The following CDYL2 variants were observed in gnomAD, a reference collection of about 807,000 sequenced individuals.
CDYL2 encodes the protein chromodomain Y like 2.
CDYL2 carries 23 observed loss-of-function variants against 49.4 expected under a neutral mutation model. The ratio of observed to expected loss-of-function variants is 0.47; its 90% CI spans 0.34 to 0.66. The LOEUF is 0.66. Ranked by LOEUF, CDYL2 falls within the 30% of genes least tolerant of loss-of-function variation. CDYL2 has a pLI of 0.01. For missense variants in CDYL2, 678 were observed against 656.4 expected, an observed-to-expected ratio of 1.03 and a Z score of -0.36; for synonymous variants, 360 against 268.8, an observed-to-expected ratio of 1.34 and a Z score of -3.32.
At chr16:80,711,989 ATGTATATATATG>A (rs1486737592) in intron 1 of CDYL2, among the ~76,000 whole-genome samples, 27 of 149,640 alleles carry the variant, frequency 1.8e-4, no homozygotes, top group African/African-American at 5.3e-4. Context: ...ATATATATGT[ATGTATATATATG>A]TGTGTATATA....
chr16:80,661,570 A>AAGTGCCAGCATGAGGGTCT (rs1272929297), intron 2 of CDYL2, among the ~76,000 whole-genome samples: 5 of 152,202 alleles, frequency 3.3e-5, no homozygotes, highest in African/African-American at 1.2e-4. Context: ...CATGAGGGTC[A>AAGTGCCAGCATGAGGGTCT]AACTCCAGCA....
chr16:80,729,183 A>G (rs1905251876), intron 1 of CDYL2, among the ~76,000 whole-genome samples: 1 of 152,242 alleles, frequency 6.6e-6, no homozygotes, highest in Non-Finnish European at 1.5e-5. Context: ...AAGACCCTTC[A>G]GTGTGTTGTA....
chr16:80,630,763 G>C (rs562953852), intron 3 of CDYL2, among the ~76,000 whole-genome samples: 1 of 152,212 alleles, frequency 6.6e-6, no homozygotes, highest in South Asian at 2.1e-4. Flanking sequence ...AATCATTCCA[G>C]ATGGCCGCAC....
intron 1 of CDYL2, among the ~76,000 whole-genome samples, chr16:80,774,293 G>C (rs778768461): frequency 6.6e-6 from 1 of 151,984 alleles, no homozygotes; most frequent in African/African-American, 2.4e-5. Context: ...TAATAAGCCA[G>C]GCGCTGAAAG....
chr16:80,785,721 G>C (rs1907413060), intron 1 of CDYL2, among the ~76,000 whole-genome samples: 1 of 152,084 alleles, frequency 6.6e-6, no homozygotes, highest in Admixed American at 6.6e-5. Flanking sequence ...TTTACTACAA[G>C]GCTACAGTAA....
At position 80,722,760 on chromosome 16, in the gene CDYL2, G is replaced by A. The variant is rs540317931; in HGVS notation, c.25-37631C>T. Among the ~76,000 whole-genome samples, 612 of 152,288 alleles carry A rather than the reference G, an allele frequency of 4.0e-3. 3 individuals carry two copies. Among genetic ancestry groups the A allele is most frequent in the Non-Finnish European group, 4.0e-3 (269 of 68,022 alleles). On this transcript the variant is annotated intron_variant, in intron 1 of 6. Coordinates refer to ENST00000570137, the MANE Select transcript of CDYL2 (RefSeq NM_152342.4). ...GGGCTAGGAGCTGGAATTCAAGGAT[G>A]GATTAACCACAGTCCATGCACTCTT...
intron 2 of CDYL2, among the ~76,000 whole-genome samples, chr16:80,638,691 T>C (rs1907949229): frequency 1.3e-5 from 2 of 152,164 alleles, no homozygotes; most frequent in African/African-American, 4.8e-5. Context: ...GAGGTGATCT[T>C]TGGCAAAGAA....
intron 3 of CDYL2, among the ~76,000 whole-genome samples, chr16:80,631,920 A>G (rs13333588): frequency 0.056 from 8,475 of 152,214 alleles, 713 homozygotes; most frequent in African/African-American, 0.18. Context: ...AGAACCTAGA[A>G]CCCTCACATA....
intron 6 of CDYL2, 151 bp downstream of exon 6, chr16:80,607,941 T>G: frequency 1.1e-6 from 1 of 881,064 alleles, no homozygotes; most frequent in Non-Finnish European, 1.7e-6. Flanking sequence ...CTGTCAATAC[T>G]GAGAAAAGGC....
chr16:80,625,431 G>C (rs375076839), intron 3 of CDYL2, among the ~76,000 whole-genome samples: 1 of 152,120 alleles, frequency 6.6e-6, no homozygotes, highest in South Asian at 2.1e-4. Flanking sequence ...AGGTAGTCTA[G>C]AATACTCTCT....
chr16:80,709,561 GACACACACAC>G (rs10673992), intron 1 of CDYL2, among the ~76,000 whole-genome samples: 2 of 143,752 alleles, frequency 1.4e-5, no homozygotes, highest in African/African-American at 5.1e-5. Context: ...GGAATAAACA[GACACACACAC>G]ACACACACAC....
chr16:80,645,361 G>A (rs1406269236), intron 2 of CDYL2, among the ~76,000 whole-genome samples: 1 of 152,166 alleles, frequency 6.6e-6, no homozygotes, highest in Admixed American at 6.5e-5. Flanking sequence ...AGACATTTAT[G>A]CAGCCAAAAG....
At chr16:80,709,702 C>G (rs1171776333) in intron 1 of CDYL2, among the ~76,000 whole-genome samples, 1 of 152,110 alleles carries the variant, frequency 6.6e-6, no homozygotes, top group Non-Finnish European at 1.5e-5. Flanking sequence ...ACAATAATTA[C>G]TAGCCCTTCT....
chr16:80,609,986 A>G lies in CDYL2; in HGVS notation c.1219-1751T>C, dbSNP rs192530642. Among the ~76,000 whole-genome samples the G allele has an allele frequency of 2.0e-5, 3 of 152,294 alleles. No homozygotes were observed. In the East Asian group the frequency reaches 5.8e-4, roughly 29 times the overall value. On this transcript the variant is annotated intron_variant, in intron 5 of 6. Coordinates refer to ENST00000570137, the MANE Select transcript of CDYL2 (RefSeq NM_152342.4). ...TCTCTGCTGTCCAGGAGGCATCATG[A>G]CAGCACCAAGCTCCCAGCACAGAGG...
At chr16:80,634,958 C>T (rs1907749234) in intron 2 of CDYL2, among the ~76,000 whole-genome samples, 1 of 152,218 alleles carries the variant, frequency 6.6e-6, no homozygotes, top group Admixed American at 6.5e-5. Flanking sequence ...CAGAGGAACA[C>T]TTCCTAATTC....
At chr16:80,800,141 T>C (rs1253386034) in intron 1 of CDYL2, among the ~76,000 whole-genome samples, 2 of 152,206 alleles carry the variant, frequency 1.3e-5, no homozygotes, top group African/African-American at 4.8e-5. Context: ...TGCACTCAAG[T>C]GCCTTTCTTT....
intron 1 of CDYL2, among the ~76,000 whole-genome samples, chr16:80,780,028 C>A (rs1022700819): frequency 2.6e-5 from 4 of 152,144 alleles, no homozygotes; most frequent in Admixed American, 2.6e-4. Context: ...ACACCTATGA[C>A]TGTATCTGAT....
intron 5 of CDYL2, among the ~76,000 whole-genome samples, chr16:80,609,567 C>T (rs892562802): frequency 1.3e-5 from 2 of 152,196 alleles, no homozygotes; most frequent in Non-Finnish European, 2.9e-5. Context: ...CTGAAGAACA[C>T]CTCAGTCAAA....
intron 1 of CDYL2, among the ~76,000 whole-genome samples, chr16:80,798,993 A>G (rs1332608821): frequency 6.6e-6 from 1 of 152,004 alleles, no homozygotes; most frequent in African/African-American, 2.4e-5. Context: ...AGCATTTGAG[A>G]AAATGCTTAC....
Sources: allele counts gnomAD v4.1 joint callset (sites outside exome capture counted in the v4.1 genomes callset), GRCh38; gene constraint gnomAD v4.1.1; transcripts MANE v1.5; gene names NCBI Gene and HGNC (gene_info 2026-07-23, HGNC 2026-07-21).